The following DNM3 variants were observed in gnomAD, a reference collection of about 807,000 sequenced individuals.
The protein encoded by DNM3 is dynamin-3.
In DNM3, 47 loss-of-function variants were observed where a neutral mutation model predicts 101.6. That is an observed-to-expected ratio of 0.46 (90% CI 0.37 to 0.59). The LOEUF is 0.59. Ranked by LOEUF, DNM3 falls within the 20% of genes least tolerant of loss-of-function variation. DNM3 has a pLI of 0.00. For synonymous variants in DNM3, 385 were observed against 387.9 expected (o/e 0.99, Z 0.09); for missense variants, 849 against 1,085.7 (o/e 0.78, Z 3.06).
intron 11 of DNM3, among the ~76,000 whole-genome samples, chr1:172,073,183 T>C (rs989285279): frequency 2.0e-5 from 3 of 152,012 alleles, no homozygotes; most frequent in African/African-American, 4.8e-5. Context: ...CATATATGTA[T>C]ATATAGTGTA....
intron 4 of DNM3, among the ~76,000 whole-genome samples, chr1:172,000,195 G>C (rs150864999): frequency 6.6e-6 from 1 of 152,166 alleles, no homozygotes; most frequent in East Asian, 1.9e-4. Context: ...TAGCAGAGGT[G>C]ATGAAGAAGC....
At position 172,388,642 on chromosome 1, in the gene DNM3, C is replaced by T. The variant is rs781208480; in HGVS notation, c.2355C>T (p.Ser785=). The change falls in exon 20 of 21, where the codon TCC becomes TCT. Residue 785 remains serine (S), a synonymous_variant. Transcript: ENST00000627582. ...TLSAPLARPT[S]GRGPAPAIPS... ...GTGCTCCCCTCGCAAGGCCCACATC[C>T]GGCCGAGGACCAGCTCCTGCCATTC... The T allele has an allele frequency of 1.4e-5, 22 of 1,613,916 alleles. No homozygotes were observed. Among genetic ancestry groups the T allele is most frequent in the South Asian group, 4.4e-5 (4 of 91,096 alleles).
rs1310685252 is a variant in DNM3 at position 172,410,391 on chromosome 1, T to C, written c.*2550T>C. 1 of 985,246 alleles carries C rather than the reference T, an allele frequency of 1.0e-6. No individual in the cohort carries two copies. Among genetic ancestry groups the C allele is most frequent in the Non-Finnish European group, 1.2e-6 (1 of 829,736 alleles). The allele number at this position is 985,246 out of a possible 1,614,324, so 61.0% of individuals were successfully genotyped here. ...ATTTTCTCTTAACTGATTGCTCTGA[T>C]ATTGTAAACACAATAGATGTAGCTC... is the stretch of plus-strand genomic sequence containing the variant. On this transcript the variant is annotated 3_prime_UTR_variant, in exon 21 of 21. Transcript: ENST00000627582.
intron 14 of DNM3, among the ~76,000 whole-genome samples, chr1:172,150,290 T>C (rs935919109): frequency 6.6e-6 from 1 of 152,138 alleles, no homozygotes; most frequent in African/African-American, 2.4e-5. Context: ...GCATATAAAT[T>C]GGTTCATGTT....
Position 172,323,334 on chromosome 1 carries a change from C to G in DNM3, c.1887C>G (p.Asn629Lys). 6.2e-7 allele frequency: 1 copy of G among 1,605,980 alleles called. No homozygotes were observed. Among genetic ancestry groups the G allele is most frequent in the Non-Finnish European group, 8.5e-7 (1 of 1,176,058 alleles). ...AGVYPDKSVG[N>K]NKAENDENGQ... ...CCTTGCGGCTACATGCATAGGGGAA[C>G]AACAAAGTAAGTTATTTGTCCTCTT... Residue 629 changes from asparagine (N) to lysine (K), a missense_variant, in exon 17 of 21, where the codon AAC becomes AAG. Physicochemically the swap from Asn to Lys is moderately conservative, Grantham distance 94 (BLOSUM62 0). Coordinates refer to ENST00000627582, the MANE Select transcript of DNM3 (RefSeq NM_015569.5).
At chr1:172,135,480 G>A (rs1355263980) in intron 14 of DNM3, among the ~76,000 whole-genome samples, 1 of 151,948 alleles carries the variant, frequency 6.6e-6, no homozygotes, top group African/African-American at 2.4e-5. Context: ...ATCATTGAAG[G>A]TTAGTGTTTT....
chr1:172,106,767 A>G (rs1374482951), intron 13 of DNM3, among the ~76,000 whole-genome samples: 2 of 150,816 alleles, frequency 1.3e-5, no homozygotes, highest in East Asian at 1.9e-4. Flanking sequence ...CTTTTATTCT[A>G]TAAGACTTAT....
chr1:172,062,878 G>A (rs1224671222), intron 10 of DNM3, among the ~76,000 whole-genome samples: 2 of 152,096 alleles, frequency 1.3e-5, no homozygotes, highest in Admixed American at 6.5e-5. Flanking sequence ...AATGTGTTGT[G>A]CGCAGATGAC....
intron 20 of DNM3, among the ~76,000 whole-genome samples, chr1:172,401,858 A>C (rs773912105): frequency 3.9e-5 from 6 of 152,220 alleles, no homozygotes; most frequent in Non-Finnish European, 7.3e-5. Context: ...GACTTTAAAT[A>C]AATGCCCAAA....
At chr1:171,947,446 T>A (rs79187473) in intron 2 of DNM3, among the ~76,000 whole-genome samples, 2,323 of 152,292 alleles carry the variant, frequency 0.015, 26 homozygotes, top group Non-Finnish European at 0.023. Flanking sequence ...AGATATTTTT[T>A]AAAAATGTTA....
intron 9 of DNM3, among the ~76,000 whole-genome samples, chr1:172,044,821 GA>G (rs1461868033): frequency 6.6e-6 from 1 of 152,154 alleles, no homozygotes; most frequent in Non-Finnish European, 1.5e-5. Flanking sequence ...TAGTGTTGTG[GA>G]GCAAGATTGG....
At chr1:172,085,094 A>G (rs1016131457) in intron 12 of DNM3, among the ~76,000 whole-genome samples, 8 of 152,060 alleles carry the variant, frequency 5.3e-5, no homozygotes, top group Admixed American at 1.3e-4. Flanking sequence ...AATGTGTCCA[A>G]ATAAGCACTG....
chr1:172,034,160 T>A (rs569316060), intron 6 of DNM3, among the ~76,000 whole-genome samples: 21 of 152,202 alleles, frequency 1.4e-4, no homozygotes, highest in African/African-American at 4.1e-4. Context: ...TGAGAAGAAA[T>A]TTTAGAAAAT....
chr1:171,954,324 T>G (rs563280439), intron 2 of DNM3, among the ~76,000 whole-genome samples: 23 of 152,284 alleles, frequency 1.5e-4, no homozygotes, highest in Non-Finnish European at 3.1e-4. Flanking sequence ...CTTTTCCAAT[T>G]TGGTTGCAGT....
At chr1:172,314,160 A>G (rs182277886) in intron 16 of DNM3, among the ~76,000 whole-genome samples, 1 of 152,328 alleles carries the variant, frequency 6.6e-6, no homozygotes, top group East Asian at 1.9e-4. Flanking sequence ...ATGCACACGT[A>G]TGTTTATTGC....
At chr1:172,044,493 C>G in intron 9 of DNM3, 41 bp downstream of exon 9, 1 of 1,525,826 alleles carries the variant, frequency 6.6e-7, no homozygotes, top group Non-Finnish European at 8.9e-7. Context: ...TTCAAGCTAC[C>G]AAAAGAAAAT....
intron 14 of DNM3, among the ~76,000 whole-genome samples, chr1:172,201,939 T>C (rs1473843095): frequency 6.6e-6 from 1 of 152,190 alleles, no homozygotes; most frequent in East Asian, 1.9e-4. Context: ...TGGATTTTCC[T>C]GTACCTGGGG....
intron 2 of DNM3, among the ~76,000 whole-genome samples, chr1:171,956,946 G>T (rs1383985148): frequency 6.6e-6 from 1 of 152,150 alleles, no homozygotes; most frequent in Non-Finnish European, 1.5e-5. Context: ...TGGAGTGGCT[G>T]GGATATAGGG....
chr1:171,940,837 A>G (rs2041763445), intron 2 of DNM3, among the ~76,000 whole-genome samples: 1 of 152,066 alleles, frequency 6.6e-6, no homozygotes, highest in Non-Finnish European at 1.5e-5. Flanking sequence ...GTCTACCAAT[A>G]TTTATATTAG....
Sources: allele counts gnomAD v4.1 joint callset (sites outside exome capture counted in the v4.1 genomes callset), GRCh38; gene constraint gnomAD v4.1.1; transcripts MANE v1.5; gene names NCBI Gene and HGNC (gene_info 2026-07-23, HGNC 2026-07-21).